The following DCDC1 variants were observed in gnomAD, a reference collection of about 807,000 sequenced individuals.
The protein encoded by DCDC1 is doublecortin domain-containing protein 1.
DCDC1 carries 200 observed loss-of-function variants against 178.3 expected under a neutral mutation model. The ratio of observed to expected loss-of-function variants is 1.12; its 90% CI spans 1.00 to 1.26. The LOEUF (loss-of-function observed/expected upper bound fraction) is 1.26. DCDC1 is among the 50% of genes most tolerant of loss of function. The probability of loss-of-function intolerance (pLI) is 0.00; values close to 1 mark genes in which losing one functional copy is unlikely to be tolerated. For synonymous variants in DCDC1, 690 were observed against 604.8 expected (o/e 1.14, Z -2.07); for missense variants, 1,983 against 1,749.2 (o/e 1.13, Z -2.38).
chr11:31,366,192 T>C (rs1951949132), intron 1 of DCDC1, among the ~76,000 whole-genome samples: 1 of 152,150 alleles, frequency 6.6e-6, no homozygotes, highest in South Asian at 2.1e-4. Flanking sequence ...ACTAAACACA[T>C]ATGTTCTGAC....
chr11:31,105,582 T>A (rs1477686151), intron 13 of DCDC1, among the ~76,000 whole-genome samples: 1 of 151,964 alleles, frequency 6.6e-6, no homozygotes, highest in Non-Finnish European at 1.5e-5. Context: ...ACTTACAACG[T>A]AATTAAATTA....
chr11:30,896,551 G>A (rs977954442), intron 34 of DCDC1, among the ~76,000 whole-genome samples: 1 of 152,304 alleles, frequency 6.6e-6, no homozygotes, highest in African/African-American at 2.4e-5. Flanking sequence ...GCAAGGGTAA[G>A]CCCACACAAT....
intron 20 of DCDC1, among the ~76,000 whole-genome samples, chr11:31,032,352 C>T (rs943242363): frequency 1.3e-5 from 2 of 152,114 alleles, no homozygotes; most frequent in African/African-American, 2.4e-5. Context: ...TTTTAATTCA[C>T]CAGCTCATGT....
At chr11:31,307,950 G>C (rs1355276621) in intron 3 of DCDC1, 42 bp from the exon 4 acceptor site, 5 of 1,605,646 alleles carry the variant, frequency 3.1e-6, no homozygotes, top group Non-Finnish European at 4.3e-6. Flanking sequence ...TAATTGATTT[G>C]TAATCATTTA....
chr11:30,968,270 G>A (rs1363451782), intron 20 of DCDC1, among the ~76,000 whole-genome samples: 2 of 152,024 alleles, frequency 1.3e-5, no homozygotes, highest in African/African-American at 4.8e-5. Context: ...GAGAGGACAT[G>A]GGAATTTGGT....
At chr11:31,048,499 T>C (rs1955008952) in intron 20 of DCDC1, among the ~76,000 whole-genome samples, 1 of 152,100 alleles carries the variant, frequency 6.6e-6, no homozygotes, top group Non-Finnish European at 1.5e-5. Flanking sequence ...AAAGCCCCAA[T>C]TAGAGACTTC....
chr11:31,365,009 C>T lies in DCDC1; in HGVS notation c.-125+4688G>A, dbSNP rs544081214. ...TCTATTCTACGTATTAGTATACCTG[C>T]AAGTTATTAATTAATGTCACAGCAC... On this transcript the variant is annotated intron_variant, in intron 1 of 38. Coordinates refer to ENST00000684477, the MANE Select transcript of DCDC1 (RefSeq NM_001387274.1). Among the ~76,000 whole-genome samples the T allele has an allele frequency of 2.8e-4, 43 of 152,198 alleles. 1 individual carries two copies. Among genetic ancestry groups the T allele is most frequent in the Middle Eastern group, 3.4e-3 (1 of 294 alleles).
chr11:31,189,615 T>C (rs188063975), intron 9 of DCDC1, among the ~76,000 whole-genome samples: 1 of 152,304 alleles, frequency 6.6e-6, no homozygotes, highest in Admixed American at 6.5e-5. Flanking sequence ...ACCTGTTTCC[T>C]TGCCTTTTCC....
At chr11:31,244,787 T>C (rs911472272) in intron 8 of DCDC1, among the ~76,000 whole-genome samples, 10 of 151,812 alleles carry the variant, frequency 6.6e-5, no homozygotes, top group African/African-American at 2.4e-4. Context: ...TGAAAAGTTA[T>C]GTGGATGATT....
chr11:31,084,306 AAG>A (rs1433262698), intron 17 of DCDC1, among the ~76,000 whole-genome samples: 2 of 152,120 alleles, frequency 1.3e-5, no homozygotes, highest in Non-Finnish European at 2.9e-5. Context: ...TACTTAGAAA[AAG>A]AGAAAATTTT....
intron 9 of DCDC1, 96 bp from the exon 10 acceptor site, chr11:31,137,880 G>T: frequency 1.7e-6 from 1 of 575,080 alleles, no homozygotes. Context: ...TCATGAATGT[G>T]ATTTGATATT....
At chr11:31,343,605 C>A (rs1175509634) in intron 1 of DCDC1, among the ~76,000 whole-genome samples, 6 of 152,046 alleles carry the variant, frequency 3.9e-5, no homozygotes, top group South Asian at 2.1e-4. Flanking sequence ...CCACACCCAG[C>A]CTGACCCTGT....
chr11:31,094,858 T>C (rs1195513892), intron 15 of DCDC1, among the ~76,000 whole-genome samples: 1 of 152,060 alleles, frequency 6.6e-6, no homozygotes. Context: ...GTTTGTTACA[T>C]AGGTATACAC....
Position 31,253,419 on chromosome 11 carries a change from C to T in DCDC1, c.1055-11803G>A, listed in dbSNP as rs185315007. Among the ~76,000 whole-genome samples, 111 of 148,444 alleles carry T rather than the reference C, an allele frequency of 7.5e-4. 1 individual carries two copies. The East Asian group carries it at 0.016, about 21-fold the overall frequency. Reference sequence around the variant, plus strand: ...TCACCCAGGCTGGAGTGCAGTGGCACGATCTCGGCTCACTGCAAGCCCTGC... The same window carrying T: ...TCACCCAGGCTGGAGTGCAGTGGCATGATCTCGGCTCACTGCAAGCCCTGC... On this transcript the variant is annotated intron_variant, in intron 8 of 38. Coordinates refer to ENST00000684477, the MANE Select transcript of DCDC1 (RefSeq NM_001387274.1).
chr11:31,143,914 T>G (rs1443879845), intron 9 of DCDC1, among the ~76,000 whole-genome samples: 2 of 152,330 alleles, frequency 1.3e-5, no homozygotes, highest in African/African-American at 4.8e-5. Context: ...TTGCTAATTC[T>G]TTGAATGACG....
chr11:31,157,558 CATT>C (rs1388943080), intron 9 of DCDC1, among the ~76,000 whole-genome samples: 1 of 151,590 alleles, frequency 6.6e-6, no homozygotes, highest in Non-Finnish European at 1.5e-5. Context: ...ACCTTGAAGA[CATT>C]ATGCCAAGTG....
At chr11:31,284,594 A>C (rs777494635) in intron 7 of DCDC1, among the ~76,000 whole-genome samples, 1 of 152,114 alleles carries the variant, frequency 6.6e-6, no homozygotes, top group African/African-American at 2.4e-5. Flanking sequence ...TAATTTTAAT[A>C]AAAAACACAG....
intron 9 of DCDC1, among the ~76,000 whole-genome samples, chr11:31,209,589 T>C (rs1200678296): frequency 6.6e-6 from 1 of 152,204 alleles, no homozygotes; most frequent in African/African-American, 2.4e-5. Flanking sequence ...CTACAATGCA[T>C]GGTTGACATA....
At chr11:31,287,243 A>AC (rs1274546877) in intron 7 of DCDC1, among the ~76,000 whole-genome samples, 1 of 152,014 alleles carries the variant, frequency 6.6e-6, no homozygotes, top group Non-Finnish European at 1.5e-5. Context: ...AAACAAACAA[A>AC]AAAAAACAAG....
Sources: allele counts gnomAD v4.1 joint callset (sites outside exome capture counted in the v4.1 genomes callset), GRCh38; gene constraint gnomAD v4.1.1; transcripts MANE v1.5; gene names NCBI Gene and HGNC (gene_info 2026-07-23, HGNC 2026-07-21).